RYR2: variants seen among roughly 807,000 people sequenced by gnomAD.
RYR2 encodes the protein cardiac muscle ryanodine receptor-calcium release channel.
RYR2 carries 227 observed loss-of-function variants against 601.1 expected under a neutral mutation model. The ratio of observed to expected loss-of-function variants is 0.38; its 90% CI spans 0.34 to 0.42. The LOEUF (loss-of-function observed/expected upper bound fraction) is 0.42, where lower values mean the gene tolerates loss of function less well. RYR2 is among the 10% of genes least tolerant of loss of function. The pLI is 1.00. For synonymous variants in RYR2, 2,223 were observed against 2,175.1 expected, an observed-to-expected ratio of 1.02 and a Z score of -0.61; for missense variants, 4,646 against 6,156.5, an observed-to-expected ratio of 0.75 and a Z score of 8.21.
At chr1:237,241,471 T>C (rs540468433) in intron 1 of RYR2, among the ~76,000 whole-genome samples, 1 of 152,338 alleles carries the variant, frequency 6.6e-6, no homozygotes, top group Non-Finnish European at 1.5e-5. Flanking sequence ...TGTGGAACTA[T>C]ATCTGTCACA....
Position 237,655,474 on chromosome 1 carries a change from A to G in RYR2, c.7966-347A>G, listed in dbSNP as rs149500222. Among the ~76,000 whole-genome samples, 458 of 152,300 alleles carry G rather than the reference A, an allele frequency of 3.0e-3. 2 individuals carry two copies. Among genetic ancestry groups the G allele is most frequent in the African/African-American group, 0.01 (434 of 41,560 alleles). On this transcript the variant is annotated intron_variant, in intron 52 of 104. Coordinates refer to ENST00000366574, the MANE Select transcript of RYR2 (RefSeq NM_001035.3). ...TCATTATAATGTACAGGAATTATCT[A>G]TAACTAACTATAAGGAATGTAGTCC...
chr1:237,579,332 C>A (rs1410904255), intron 29 of RYR2, among the ~76,000 whole-genome samples: 3 of 145,064 alleles, frequency 2.1e-5, no homozygotes, highest in South Asian at 2.2e-4. Flanking sequence ...TCTTGGCTCA[C>A]TGCAACCCCC....
At chr1:237,556,509 C>G (rs1459944927) in intron 27 of RYR2, among the ~76,000 whole-genome samples, 2 of 149,080 alleles carry the variant, frequency 1.3e-5, no homozygotes, top group East Asian at 3.9e-4. Context: ...CGGGGTTTCA[C>G]CATATTGGCC....
chr1:237,676,651 G>A (rs1188154177), intron 60 of RYR2, among the ~76,000 whole-genome samples: 1 of 152,134 alleles, frequency 6.6e-6, no homozygotes, highest in Non-Finnish European at 1.5e-5. Flanking sequence ...AAGTGAAACT[G>A]CTATATTGCC....
intron 1 of RYR2, among the ~76,000 whole-genome samples, chr1:237,067,566 C>CATTTAATTTA (rs554419815): frequency 1.9e-3 from 292 of 152,308 alleles, no homozygotes; most frequent in Middle Eastern, 6.8e-3. Context: ...TGTTTTCTCT[C>CATTTAATTTA]ATTTAATTCC....
At chr1:237,293,307 A>G (rs184772955) in intron 2 of RYR2, among the ~76,000 whole-genome samples, 1 of 152,254 alleles carries the variant, frequency 6.6e-6, no homozygotes, top group East Asian at 1.9e-4. Context: ...CCCAAGTTCA[A>G]GCGATTCTCA....
At chr1:237,657,704 A>T (rs1683387325) in intron 53 of RYR2, among the ~76,000 whole-genome samples, 1 of 151,646 alleles carries the variant, frequency 6.6e-6, no homozygotes, top group Admixed American at 6.6e-5. Flanking sequence ...TATAATATGT[A>T]ATTTGTTATG....
chr1:237,201,386 T>G (rs1270788816), intron 1 of RYR2, among the ~76,000 whole-genome samples: 2 of 152,202 alleles, frequency 1.3e-5, no homozygotes, highest in Non-Finnish European at 2.9e-5. Flanking sequence ...ATATGTTGAT[T>G]TGTAACATCA....
chr1:237,671,608 A>G (rs1178487257), intron 58 of RYR2, among the ~76,000 whole-genome samples: 1 of 151,960 alleles, frequency 6.6e-6, no homozygotes, highest in African/African-American at 2.4e-5. Context: ...AAAGCTGCAC[A>G]GTTTTGTTTT....
At chr1:237,805,982 T>G (rs1660593347) in intron 98 of RYR2, among the ~76,000 whole-genome samples, 155 bp from the exon 99 acceptor site, 1 of 152,164 alleles carries the variant, frequency 6.6e-6, no homozygotes, top group African/African-American at 2.4e-5. Context: ...CTCTCCTACT[T>G]TTTACTTCCA....
intron 48 of RYR2, among the ~76,000 whole-genome samples, chr1:237,645,298 G>GA (rs1449259267): frequency 1.3e-5 from 2 of 152,066 alleles, no homozygotes; most frequent in Non-Finnish European, 2.9e-5. Context: ...ATAGCTTTAG[G>GA]CAAAGCTAGA....
rs1060500135 is a variant in RYR2 at position 237,784,175 on chromosome 1, T to A, written c.12463T>A (p.Ser4155Thr). The A allele has an allele frequency of 1.2e-6, 2 of 1,613,786 alleles. No individual in the cohort carries two copies. Among genetic ancestry groups the A allele is most frequent in the Non-Finnish European group, 1.7e-6 (2 of 1,179,842 alleles). Residue 4155 changes from serine to threonine, a missense_variant, in exon 90 of 105, where the codon TCC (serine) becomes ACC (threonine). Ser to Thr is a moderately conservative substitution (Grantham distance 58). Transcript: ENST00000366574. The surrounding 1 kb of genome is among the most constrained non-coding windows in gnomAD (Gnocchi z 7.1). ...GAGGGTCTATTTTGAAATCAGTGAG[T>A]CCAGCCGAACCCAGTGGGAGAAGCC... ...IERVYFEISE[S>T]SRTQWEKPQV...
At chr1:237,659,337 A>T (rs1425807032) in intron 54 of RYR2, among the ~76,000 whole-genome samples, 1 of 152,220 alleles carries the variant, frequency 6.6e-6, no homozygotes, top group East Asian at 1.9e-4. Flanking sequence ...TTGGTGATGG[A>T]GAGGAATATT....
chr1:237,157,864 A>C (rs2485592), intron 1 of RYR2, among the ~76,000 whole-genome samples: 63,958 of 152,088 alleles, frequency 0.42, 16,241 homozygotes, highest in Non-Finnish European at 0.55. Context: ...TATATATTTC[A>C]TAATAGCCAG....
At chr1:237,172,568 A>C (rs1481182963) in intron 1 of RYR2, among the ~76,000 whole-genome samples, 1 of 152,128 alleles carries the variant, frequency 6.6e-6, no homozygotes. Flanking sequence ...ACAGAATAGC[A>C]CACTTTTATT....
At chr1:237,615,881 A>T (rs1678408772) in intron 37 of RYR2, among the ~76,000 whole-genome samples, 1 of 152,220 alleles carries the variant, frequency 6.6e-6, no homozygotes, top group Admixed American at 6.5e-5. Context: ...TTTGACTTTT[A>T]AGCTGAGTTC....
intron 79 of RYR2, among the ~76,000 whole-genome samples, chr1:237,739,355 T>A (rs1002248137): frequency 6.6e-6 from 1 of 152,184 alleles, no homozygotes; most frequent in Non-Finnish European, 1.5e-5. Context: ...CCCCTTTTTG[T>A]CTGCATCATG....
At chr1:237,416,132 A>C (rs373592171) in intron 10 of RYR2, among the ~76,000 whole-genome samples, 2 of 152,218 alleles carry the variant, frequency 1.3e-5, no homozygotes, top group African/African-American at 4.8e-5. Flanking sequence ...ATTTGGTAAC[A>C]TGAAGGTCAC....
At chr1:237,524,958 G>A (rs551790687) in intron 24 of RYR2, among the ~76,000 whole-genome samples, 31 of 152,000 alleles carry the variant, frequency 2.0e-4, no homozygotes, top group Admixed American at 2.6e-4. Context: ...GTACATGTGC[G>A]TGTTTGTAAC....
Sources: gnomAD v4.1 joint callset for allele counts (sites outside exome capture counted in the v4.1 genomes callset) on GRCh38, gnomAD v4.1.1 for gene constraint, Gnocchi (gnomAD v3.1) non-coding constraint, MANE v1.5 for transcripts, NCBI Gene and HGNC (gene_info 2026-07-23, HGNC 2026-07-21) for gene names.